The following CPZ variants were observed in gnomAD, a reference collection of about 807,000 sequenced individuals.
CPZ encodes VEZT/CPZ fusion.
CPZ carries 103 observed loss-of-function variants against 61.8 expected under a neutral mutation model. The ratio of observed to expected loss-of-function variants is 1.67; its 90% CI spans 1.42 to 1.96. The LOEUF (loss-of-function observed/expected upper bound fraction) is 1.96, where lower values mean the gene tolerates loss of function less well. Among genes scored for constraint, CPZ ranks in the 30% most tolerant of loss-of-function variants. The pLI is 0.00. For missense variants in CPZ, 1,461 were observed against 914.9 expected (o/e 1.60, Z -7.70); for synonymous variants, 551 against 373.7 (o/e 1.47, Z -5.47).
In CPZ at chr4:8,607,277, A is replaced by G; in HGVS notation, c.1079A>G (p.Glu360Gly). Residue 360 changes from glutamate (E) to glycine (G), a missense_variant, in exon 7 of 11, where the codon GAG becomes GGG. Glu to Gly is a moderately conservative substitution (Grantham distance 98). Coordinates refer to ENST00000360986, the MANE Select transcript of CPZ (RefSeq NM_001014447.3). ...QHYWWGKVAPETKAIMKWMQT... is the reference protein window; with the variant it reads ...QHYWWGKVAPGTKAIMKWMQT... ...GTCTGTCCTGGGCAGGTGGCCCCGG[A>G]GACAAAGGCAATCATGAAGTGGATG... The G allele has an allele frequency of 1.2e-6, 2 of 1,614,000 alleles. No homozygotes were observed. The highest frequency in any genetic ancestry group is 8.5e-7 in the Non-Finnish European group (1 of 1,179,914).
At chr4:8,611,173 C>T (rs1423285249) in intron 7 of CPZ, 1 of 444,520 alleles carries the variant, frequency 2.2e-6, no homozygotes, top group Non-Finnish European at 4.6e-6. Context: ...AGGGAGCCCC[C>T]TCCTCAGCAC....
At position 8,618,881 on chromosome 4, in the gene CPZ, C is replaced by T. The variant is rs374651901; in HGVS notation, c.1603+353C>T. ...CATACCCTGTTGATAGCTGGGGTGT[C>T]CAGCCCTGTGCGGGCTCTGGCTGTC... is the stretch of plus-strand genomic sequence containing the variant. On this transcript the variant is annotated intron_variant, in intron 10 of 10. Coordinates refer to ENST00000360986, the MANE Select transcript of CPZ (RefSeq NM_001014447.3). Among the ~76,000 whole-genome samples the T allele has an allele frequency of 2.3e-3, 346 of 152,314 alleles. 4 individuals carry two copies. The highest frequency in any genetic ancestry group is 7.7e-3 in the African/African-American group (321 of 41,570).
intron 4 of CPZ, among the ~76,000 whole-genome samples, chr4:8,604,572 C>T (rs1363070474): frequency 1.3e-5 from 2 of 152,182 alleles, no homozygotes; most frequent in Admixed American, 1.3e-4. Context: ...ACCTCTGCCT[C>T]CTGGGTTCAA....
intron 7 of CPZ, chr4:8,611,317 C>T (rs1374049380): frequency 3.1e-5 from 14 of 454,288 alleles, no homozygotes; most frequent in Non-Finnish European, 2.2e-5. Flanking sequence ...AAAGGAGGAT[C>T]TGTGGACTCT....
intron 7 of CPZ, among the ~76,000 whole-genome samples, chr4:8,609,065 TCACTCAC>T (rs1425730645): frequency 9.1e-4 from 102 of 112,674 alleles, no homozygotes; most frequent in African/African-American, 3.0e-3. Flanking sequence ...CCTCACTCCC[TCACTCAC>T]CACTCATACA....
chr4:8,617,064 C>G (rs1306794554), intron 9 of CPZ, among the ~76,000 whole-genome samples: 2 of 152,244 alleles, frequency 1.3e-5, no homozygotes, highest in Admixed American at 1.3e-4. Flanking sequence ...TTTCAGCCAC[C>G]TGCACCACTG....
At chr4:8,606,365 G>C (rs1392858451) in intron 5 of CPZ, among the ~76,000 whole-genome samples, 180 bp downstream of exon 5, 1 of 152,226 alleles carries the variant, frequency 6.6e-6, no homozygotes, top group Non-Finnish European at 1.5e-5. Flanking sequence ...AAGGCACTGA[G>C]AATTCTAGGT....
rs1477149413 is a variant in CPZ, at chr4:8,601,069, G to A, written c.122-54G>A. 28 of 1,515,542 alleles carry A rather than the reference G, an allele frequency of 1.8e-5. No individual in the cohort carries two copies. The Admixed American group carries it at 1.9e-4, about 10-fold the overall frequency. 93.9% of individuals were successfully genotyped at this position (1,515,542 alleles called of 1,614,324 possible). On this transcript the variant is annotated intron_variant, in intron 2 of 10. Coordinates refer to ENST00000360986, the MANE Select transcript of CPZ (RefSeq NM_001014447.3). ...GGTCCCCTACGTAAATGTCTGATGC[G>A]TGACGGTCAGGGCCACTGCAGGAGG...
chr4:8,613,572 G>T (rs565713569), intron 8 of CPZ, among the ~76,000 whole-genome samples: 3 of 152,348 alleles, frequency 2.0e-5, no homozygotes, highest in Admixed American at 2.0e-4. Context: ...TGCGGCTCAG[G>T]AGCCTTGAAC....
intron 7 of CPZ, among the ~76,000 whole-genome samples, chr4:8,611,457 C>T (rs1469490456): frequency 2.0e-5 from 3 of 152,160 alleles, no homozygotes; most frequent in Non-Finnish European, 4.4e-5. Flanking sequence ...TGTTCTGTCC[C>T]TCTGCCAACT....
At chr4:8,619,143 A>C in intron 10 of CPZ, 119 bp from the exon 11 acceptor site, 139 of 771,600 alleles carry the variant, frequency 1.8e-4, no homozygotes, top group Non-Finnish European at 2.4e-4. Context: ...CACAGAGGCA[A>C]GTGCACATTT....
chr4:8,606,297 G>C (rs937604368), intron 5 of CPZ, 112 bp downstream of exon 5: 7 of 1,093,998 alleles, frequency 6.4e-6, no homozygotes, highest in Non-Finnish European at 6.4e-6. Context: ...CTCTAGGAGA[G>C]GAGCATTCAG....
At chr4:8,617,687 C>T (rs559292070) in intron 9 of CPZ, among the ~76,000 whole-genome samples, 3 of 152,280 alleles carry the variant, frequency 2.0e-5, no homozygotes, top group Admixed American at 6.5e-5. Context: ...GGGGCAGCCT[C>T]GCTGGACGGA....
chr4:8,605,772 G>C (rs988876204), intron 4 of CPZ, among the ~76,000 whole-genome samples: 2 of 152,226 alleles, frequency 1.3e-5, no homozygotes, highest in African/African-American at 2.4e-5. Context: ...TCATATTCTT[G>C]AGTTATGCTA....
Position 8,599,555 on chromosome 4 carries a change from T to C in CPZ, c.121+70T>C, listed in dbSNP as rs754490047. On this transcript the variant is annotated intron_variant, in intron 2 of 10. Transcript: ENST00000360986. ...GCAGCCCCCACACTGTCAGAGCACT[T>C]TAGGCAGCTGAATCCGTGATTTCAG... 1.9e-6 allele frequency: 3 copies of C among 1,597,444 alleles called. No homozygotes were observed. In the South Asian group the frequency reaches 3.4e-5, roughly 18 times the overall value.
At chr4:8,607,840 C>T in intron 7 of CPZ, among the ~76,000 whole-genome samples, 1 of 152,184 alleles carries the variant, frequency 6.6e-6, no homozygotes, top group Non-Finnish European at 1.5e-5. Flanking sequence ...GCCCGTCCTG[C>T]TTCCCGGGGG....
At chr4:8,592,998 G>C (rs1407482563) in intron 1 of CPZ, 77 bp downstream of exon 1, 22 of 1,206,402 alleles carry the variant, frequency 1.8e-5, no homozygotes, top group Non-Finnish European at 2.4e-5. Flanking sequence ...GCTTCCCAGG[G>C]GCCCGGGAGC....
chr4:8,611,289 ACGGCCCAGAGCCCCCACAAAGGAGGAT>A, intron 7 of CPZ: 1 of 456,192 alleles, frequency 2.2e-6, no homozygotes, highest in Non-Finnish European at 4.4e-6. Context: ...GGACTTACAG[ACGGCCCAGAGCCCCCACAAAGGAGGAT>A]CTGTGGACTC....
At chr4:8,606,694 G>C in intron 5 of CPZ, 43 bp from the exon 6 acceptor site, 1 of 1,612,548 alleles carries the variant, frequency 6.2e-7, no homozygotes, top group Non-Finnish European at 8.5e-7. Flanking sequence ...AGGAGGGTGG[G>C]GTGTGCTGAC....
Sources: allele counts gnomAD v4.1 joint callset (sites outside exome capture counted in the v4.1 genomes callset), GRCh38; gene constraint gnomAD v4.1.1; transcripts MANE v1.5; gene names NCBI Gene and HGNC (gene_info 2026-07-23, HGNC 2026-07-21).